PHKB: variants seen among roughly 807,000 people sequenced by gnomAD.
PHKB encodes the protein phosphorylase kinase regulatory subunit beta.
A neutral mutation model predicts 152.1 loss-of-function variants in PHKB; 122 were observed. The ratio of observed to expected loss-of-function variants is 0.80; its 90% CI spans 0.69 to 0.93. The LOEUF (loss-of-function observed/expected upper bound fraction) is 0.93, where lower values mean the gene tolerates loss of function less well. Ranked by LOEUF, PHKB falls within the 40% of genes least tolerant of loss-of-function variation. The pLI, the probability that PHKB is intolerant of heterozygous loss-of-function variation, is 0.00. For synonymous variants in PHKB, 436 were observed against 464.9 expected (o/e 0.94, Z 0.80); for missense variants, 1,304 against 1,328.4 (o/e 0.98, Z 0.29).
At chr16:47,688,681 C>CTTTTTTTT (rs75628138) in intron 26 of PHKB, among the ~76,000 whole-genome samples, 1 of 124,668 alleles carries the variant, frequency 8.0e-6, no homozygotes. Context: ...GCTCTCTTTC[C>CTTTTTTTT]TTTTTTTTTT....
At chr16:47,594,292 G>T in intron 12 of PHKB, 78 bp downstream of exon 12, 1 of 759,572 alleles carries the variant, frequency 1.3e-6, no homozygotes, top group Non-Finnish European at 2.3e-6. Context: ...TGAGTCCTTT[G>T]TAAAAAACAA....
At chr16:47,663,778 T>C in intron 24 of PHKB, 44 bp downstream of exon 24, 1 of 1,090,254 alleles carries the variant, frequency 9.2e-7, no homozygotes, top group South Asian at 1.2e-5. Flanking sequence ...TTTTGTGTTG[T>C]TATATTCGAT....
chr16:47,592,233 G>A (rs1476337228), intron 10 of PHKB, among the ~76,000 whole-genome samples: 1 of 152,194 alleles, frequency 6.6e-6, no homozygotes, highest in Admixed American at 6.5e-5. Flanking sequence ...GGTATTACCA[G>A]CTGCTCAGTC....
intron 10 of PHKB, chr16:47,590,886 C>T (rs1011385486): frequency 6.6e-6 from 1 of 152,250 alleles, no homozygotes; most frequent in Non-Finnish European, 1.5e-5. Flanking sequence ...TGTTTGTACT[C>T]AAGTTCGCAG....
At chr16:47,560,891 A>G (rs1273927350) in intron 7 of PHKB, among the ~76,000 whole-genome samples, 3 of 152,198 alleles carry the variant, frequency 2.0e-5, no homozygotes, top group Non-Finnish European at 4.4e-5. Context: ...ATGGAAAGAT[A>G]GAAGATATAT....
intron 13 of PHKB, among the ~76,000 whole-genome samples, chr16:47,604,248 C>G (rs1225901392): frequency 6.6e-6 from 1 of 152,070 alleles, no homozygotes; most frequent in African/African-American, 2.4e-5. Context: ...TAAAACCTCT[C>G]TGATATTTTC....
intron 20 of PHKB, among the ~76,000 whole-genome samples, chr16:47,659,136 T>G (rs1212135855): frequency 2.0e-5 from 3 of 152,204 alleles, no homozygotes; most frequent in Non-Finnish European, 1.5e-5. Context: ...AGTAAAAATG[T>G]GTAGATCAAC....
At chr16:47,602,328 A>C (rs746634955) in intron 13 of PHKB, among the ~76,000 whole-genome samples, 1 of 152,232 alleles carries the variant, frequency 6.6e-6, no homozygotes, top group African/African-American at 2.4e-5. Context: ...TAAAATATCC[A>C]AAGTGTTATA....
At chr16:47,549,914 G>A (rs1462064561) in intron 7 of PHKB, among the ~76,000 whole-genome samples, 2 of 151,582 alleles carry the variant, frequency 1.3e-5, no homozygotes, top group African/African-American at 2.4e-5. Flanking sequence ...TTTTGCCATC[G>A]TTTGCATGCA....
At chr16:47,588,655 G>A (rs550905696) in intron 9 of PHKB, among the ~76,000 whole-genome samples, 4 of 152,102 alleles carry the variant, frequency 2.6e-5, no homozygotes, top group East Asian at 3.9e-4. Flanking sequence ...AAATTTTTGC[G>A]CACCATTTTA....
intron 7 of PHKB, among the ~76,000 whole-genome samples, chr16:47,556,634 G>C (rs532573222): frequency 2.7e-4 from 41 of 152,236 alleles, no homozygotes; most frequent in African/African-American, 9.2e-4. Context: ...TGATCATGGT[G>C]GATAAGCTTT....
rs1481533223 is a variant in PHKB at position 47,483,037 on chromosome 16, T to TC, written c.77-14362_77-14361insC. Among the ~76,000 whole-genome samples, 4 of 137,390 alleles carry TC rather than the reference T, an allele frequency of 2.9e-5. No homozygotes were observed. The South Asian group carries it at 7.8e-4, about 27-fold the overall frequency. 90.1% of individuals were successfully genotyped at this position (137,390 alleles called of 152,430 possible). On this transcript the variant is annotated intron_variant, in intron 1 of 30. Transcript: ENST00000323584. The stretch of plus-strand genomic sequence containing the variant: ...TGCCTGGCCTATTAAATAATTTCTT[T>TC]TTTTTTTTTTTTTTTTTTGGAGACA...
chr16:47,576,588 G>A (rs1310406854), intron 7 of PHKB, among the ~76,000 whole-genome samples: 1 of 152,114 alleles, frequency 6.6e-6, no homozygotes, highest in Admixed American at 6.6e-5. Context: ...TATAACTGTG[G>A]TTTTGTCTAT....
At chr16:47,677,852 T>G (rs1016735304) in intron 26 of PHKB, among the ~76,000 whole-genome samples, 1 of 151,852 alleles carries the variant, frequency 6.6e-6, no homozygotes, top group African/African-American at 2.4e-5. Flanking sequence ...ATCTGCCATG[T>G]TGGTGTGCTG....
chr16:47,489,391 G>A (rs1035193367), intron 1 of PHKB, among the ~76,000 whole-genome samples: 3 of 152,190 alleles, frequency 2.0e-5, no homozygotes, highest in Non-Finnish European at 2.9e-5. Context: ...AAAACAAAAC[G>A]AAACAAATCA....
chr16:47,500,173 G>A (rs1422818424), intron 3 of PHKB, among the ~76,000 whole-genome samples: 2 of 152,112 alleles, frequency 1.3e-5, no homozygotes, highest in Non-Finnish European at 2.9e-5. Flanking sequence ...TACTAGCTGG[G>A]ATTACAGGCA....
chr16:47,665,814 G>C, intron 25 of PHKB: 1 of 741,978 alleles, frequency 1.3e-6, no homozygotes, highest in Admixed American at 2.0e-5. Context: ...GTCCTGGGCA[G>C]TGTTTCCTCC....
At chr16:47,505,693 A>G (rs1346562839) in intron 4 of PHKB, 1 of 152,094 alleles carries the variant, frequency 6.6e-6, no homozygotes, top group East Asian at 1.9e-4. Flanking sequence ...ATCACTTAAT[A>G]TTTTGTTTAT....
At chr16:47,554,354 TA>T (rs1397211380) in intron 7 of PHKB, among the ~76,000 whole-genome samples, 1 of 151,702 alleles carries the variant, frequency 6.6e-6, no homozygotes, top group African/African-American at 2.4e-5. Context: ...AGTAATGGTG[TA>T]CGCCCCTTTC....
Sources: allele counts gnomAD v4.1 joint callset (sites outside exome capture counted in the v4.1 genomes callset), GRCh38; gene constraint gnomAD v4.1.1; transcripts MANE v1.5; gene names NCBI Gene and HGNC (gene_info 2026-07-23, HGNC 2026-07-21).